The following GPR141 variants were observed in gnomAD, a reference collection of about 807,000 sequenced individuals.
GPR141 encodes the protein G protein-coupled receptor 141, also known as probable G protein-coupled receptor 141.
Under a neutral mutation model 6.8 loss-of-function variants are expected in GPR141, and 6 were observed. The observed-to-expected ratio is 0.88, with a 90% confidence interval of 0.48 to 1.74. The LOEUF (loss-of-function observed/expected upper bound fraction) is 1.74, where lower values mean the gene tolerates loss of function less well. GPR141 is among the 40% of genes most tolerant of loss of function. GPR141 has a pLI of 0.01. For synonymous variants in GPR141, 140 were observed against 142.3 expected (o/e 0.98, Z 0.11); for missense variants, 372 against 372.9 (o/e 1.00, Z 0.02).
At chr7:37,730,950 G>A (rs1484767435) in intron 2 of GPR141, among the ~76,000 whole-genome samples, 1 of 151,996 alleles carries the variant, frequency 6.6e-6, no homozygotes. Context: ...ATTCTTTGTG[G>A]GCATCCAACT....
rs199643208 is a variant in GPR141 at position 37,740,410 on chromosome 7, C to T, written c.17C>T (p.Thr6Ile). 6.5e-5 allele frequency: 104 copies of T among 1,599,742 alleles called. No homozygotes were observed. Among genetic ancestry groups the T allele is most frequent in the Non-Finnish European group, 6.1e-5 (71 of 1,170,072 alleles). ...TTCCCAAGTATGCCTGGCCACAATA[C>T]CTCCAGGAATTCCTCTTGCGATCCT... MPGHNTSRNSSCDPIV... is the reference protein window; with the variant it reads MPGHNISRNSSCDPIV... Residue 6 changes from threonine to isoleucine, a missense_variant, in exon 3 of 3, where the codon ACC becomes ATC. Physicochemically the swap from Thr to Ile is moderately conservative, Grantham distance 89. Coordinates refer to ENST00000334425, the MANE Select transcript of GPR141 (RefSeq NM_001381946.1).
intron 2 of GPR141, among the ~76,000 whole-genome samples, chr7:37,731,130 A>G (rs1416016270): frequency 1.3e-5 from 2 of 152,244 alleles, no homozygotes; most frequent in East Asian, 3.9e-4. Flanking sequence ...TTAAAACTCA[A>G]ATGAGAATTA....
chr7:37,725,992 C>T (rs1014121864), intron 2 of GPR141, among the ~76,000 whole-genome samples: 2 of 152,140 alleles, frequency 1.3e-5, no homozygotes, highest in Non-Finnish European at 2.9e-5. Flanking sequence ...TTTCTCTACA[C>T]TTAAACAGTA....
chr7:37,690,055 C>G (rs538340640), intron 2 of GPR141, among the ~76,000 whole-genome samples: 29 of 152,098 alleles, frequency 1.9e-4, no homozygotes, highest in Admixed American at 3.3e-4. Flanking sequence ...CTTAATACTG[C>G]TTTTGCTGTG....
At chr7:37,689,474 A>G (rs1303750098) in intron 2 of GPR141, among the ~76,000 whole-genome samples, 1 of 152,010 alleles carries the variant, frequency 6.6e-6, no homozygotes, top group Non-Finnish European at 1.5e-5. Flanking sequence ...AGTATTAGTT[A>G]TTTTCTGAAT....
chr7:37,733,918 T>TC (rs1034212914), intron 2 of GPR141, among the ~76,000 whole-genome samples: 2 of 152,182 alleles, frequency 1.3e-5, no homozygotes, highest in Non-Finnish European at 2.9e-5. Context: ...ATGCCTGTAA[T>TC]CCCAACATTT....
intron 2 of GPR141, among the ~76,000 whole-genome samples, chr7:37,708,329 A>AAAAAAAAAAG (rs1810633097): frequency 1.3e-5 from 2 of 150,556 alleles, no homozygotes; most frequent in Non-Finnish European, 1.5e-5. Flanking sequence ...AAAAAAAAAA[A>AAAAAAAAAAG]AAAAAACGCA....
chr7:37,731,339 G>A (rs912320492), intron 2 of GPR141, among the ~76,000 whole-genome samples: 1 of 152,232 alleles, frequency 6.6e-6, no homozygotes, highest in African/African-American at 2.4e-5. Flanking sequence ...GGCACTGGAT[G>A]TAGTCATGGC....
intron 2 of GPR141, among the ~76,000 whole-genome samples, chr7:37,706,873 T>C (rs546534046): frequency 1.2e-4 from 18 of 152,322 alleles, no homozygotes; most frequent in African/African-American, 4.1e-4. Context: ...GCAAATAGCC[T>C]GGGCATGGAC....
In GPR141 at chr7:37,698,406, C is replaced by T. The variant is rs117996155; in HGVS notation, c.-15+12823C>T. 5.0e-3 allele frequency among the ~76,000 whole-genome samples: 760 copies of T among 152,228 alleles called. 4 individuals carry two copies. Among genetic ancestry groups the T allele is most frequent in the Non-Finnish European group, 7.7e-3 (522 of 68,018 alleles). On this transcript the variant is annotated intron_variant, in intron 2 of 2. Transcript: ENST00000334425. ...CCTGTCTCACTATTCCATCAGTCAA[C>T]GATTTTCAGCCAAAGGCCACGAGAA...
At chr7:37,685,914 T>A (rs557865975) in intron 2 of GPR141, among the ~76,000 whole-genome samples, 2 of 152,270 alleles carry the variant, frequency 1.3e-5, no homozygotes, top group South Asian at 4.1e-4. Flanking sequence ...TGGTGTCTAC[T>A]ATGGGTAAGC....
intron 2 of GPR141, among the ~76,000 whole-genome samples, chr7:37,740,019 A>G (rs1812450594): frequency 6.6e-6 from 1 of 152,156 alleles, no homozygotes; most frequent in African/African-American, 2.4e-5. Flanking sequence ...CGATCTTTCT[A>G]TCCATCTCAC....
At chr7:37,736,479 A>G (rs2131857467) in intron 2 of GPR141, among the ~76,000 whole-genome samples, 1 of 143,294 alleles carries the variant, frequency 7.0e-6, no homozygotes, top group Middle Eastern at 3.5e-3. Context: ...AAGAACCCCA[A>G]ACAGTATAAA....
At chr7:37,684,479 T>A (rs1295561887) in intron 1 of GPR141, among the ~76,000 whole-genome samples, 2 of 152,182 alleles carry the variant, frequency 1.3e-5, no homozygotes, top group Admixed American at 6.5e-5. Flanking sequence ...ACAGGAAGGA[T>A]CTGAAAATAA....
intron 2 of GPR141, among the ~76,000 whole-genome samples, chr7:37,733,961 G>A (rs961781225): frequency 6.6e-6 from 1 of 152,042 alleles, no homozygotes; most frequent in Non-Finnish European, 1.5e-5. Flanking sequence ...TTCTTGAGCC[G>A]AGGAGTTTGA....
chr7:37,730,603 A>T (rs562205855), intron 2 of GPR141, among the ~76,000 whole-genome samples: 2 of 152,282 alleles, frequency 1.3e-5, no homozygotes, highest in South Asian at 4.1e-4. Flanking sequence ...CATCAGTTGC[A>T]CTTGTTTTTG....
intron 1 of GPR141, among the ~76,000 whole-genome samples, chr7:37,684,136 A>C (rs1389843122): frequency 6.6e-6 from 1 of 152,236 alleles, no homozygotes; most frequent in African/African-American, 2.4e-5. Context: ...AAATGTGAAC[A>C]AAAATGATTT....
At chr7:37,731,386 C>T (rs1308934711) in intron 2 of GPR141, among the ~76,000 whole-genome samples, 1 of 152,064 alleles carries the variant, frequency 6.6e-6, no homozygotes, top group East Asian at 1.9e-4. Context: ...CGAGGTGTCT[C>T]TCTGAAAGAA....
chr7:37,718,399 C>G (rs1811145206), intron 2 of GPR141, among the ~76,000 whole-genome samples: 1 of 151,926 alleles, frequency 6.6e-6, no homozygotes. Flanking sequence ...CCTAGCTACT[C>G]TAGCTACTTG....
Sources: gnomAD v4.1 joint callset for allele counts (sites outside exome capture counted in the v4.1 genomes callset) on GRCh38, gnomAD v4.1.1 for gene constraint, MANE v1.5 for transcripts, NCBI Gene and HGNC (gene_info 2026-07-23, HGNC 2026-07-21) for gene names.